Variants in PDHX observed in about 807,000 individuals in gnomAD.
PDHX encodes pyruvate dehydrogenase complex component X, also known as pyruvate dehydrogenase protein X component, mitochondrial.
Under a neutral mutation model 55.3 loss-of-function variants are expected in PDHX, and 33 were observed. The ratio of observed to expected loss-of-function variants is 0.60; its 90% confidence interval spans 0.45 to 0.80. The LOEUF (loss-of-function observed/expected upper bound fraction) is 0.80. Ranked by LOEUF, PDHX falls within the 30% of genes least tolerant of loss-of-function variation. The pLI is 0.00. For missense variants in PDHX, 622 were observed against 619.9 expected (o/e 1.00, Z -0.04); for synonymous variants, 226 against 219.4 (o/e 1.03, Z -0.27).
chr11:34,972,249 GCTTTCAGTTTA>G (rs1855272642), intron 7 of PDHX, among the ~76,000 whole-genome samples: 1 of 148,796 alleles, frequency 6.7e-6, no homozygotes, highest in Admixed American at 6.7e-5. Context: ...TTTTCTCTTT[GCTTTCAGTTTA>G]CTTTGCTCTT....
intron 5 of PDHX, among the ~76,000 whole-genome samples, chr11:34,963,719 C>G (rs2133978307): frequency 6.6e-6 from 1 of 152,260 alleles, no homozygotes; most frequent in South Asian, 2.1e-4. Flanking sequence ...ATCAGGGCTG[C>G]TATTTTAATT....
chr11:34,988,558 C>CAAAA (rs201687707), intron 9 of PDHX, among the ~76,000 whole-genome samples: 2 of 140,568 alleles, frequency 1.4e-5, no homozygotes, highest in Non-Finnish European at 1.5e-5. Flanking sequence ...TGTTTTCTGT[C>CAAAA]AAAAAAAAAA....
intron 8 of PDHX, among the ~76,000 whole-genome samples, chr11:34,983,721 G>A (rs1312258267): frequency 2.0e-5 from 3 of 152,036 alleles, no homozygotes; most frequent in Non-Finnish European, 4.4e-5. Flanking sequence ...TTACAAGGGA[G>A]GTGAAGGACT....
intron 2 of PDHX, among the ~76,000 whole-genome samples, chr11:34,934,429 G>A (rs774590512): frequency 1.2e-4 from 19 of 152,028 alleles, no homozygotes; most frequent in Non-Finnish European, 1.9e-4. Flanking sequence ...GGAAGAGCCC[G>A]GGGGAGGAAG....
intron 5 of PDHX, among the ~76,000 whole-genome samples, chr11:34,964,008 A>G (rs936130536): frequency 1.1e-4 from 16 of 152,180 alleles, no homozygotes; most frequent in African/African-American, 3.6e-4. Flanking sequence ...AAATGAATTC[A>G]TGTCACACCC....
intron 10 of PDHX, 125 bp from the exon 11 acceptor site, chr11:34,994,789 A>T: frequency 3.1e-6 from 3 of 956,716 alleles, no homozygotes; most frequent in Admixed American, 4.0e-5. Context: ...TCCTTTTTTC[A>T]TTACTCATAT....
chr11:34,971,442 T>C (rs2133985094), intron 7 of PDHX, among the ~76,000 whole-genome samples: 1 of 152,314 alleles, frequency 6.6e-6, no homozygotes, highest in South Asian at 2.1e-4. Flanking sequence ...TTTTGTAGAA[T>C]ATTATTTTCA....
At chr11:34,980,523 A>G (rs1401047534) in intron 8 of PDHX, among the ~76,000 whole-genome samples, 3 of 151,796 alleles carry the variant, frequency 2.0e-5, no homozygotes, top group Non-Finnish European at 4.4e-5. Flanking sequence ...TTTATTTGCC[A>G]TATATTCTTC....
intron 3 of PDHX, among the ~76,000 whole-genome samples, chr11:34,952,634 T>C (rs55736777): frequency 0.013 from 2,008 of 151,968 alleles, 40 homozygotes; most frequent in African/African-American, 0.047. Flanking sequence ...TTGACAAAAT[T>C]CAACAACCCT....
chr11:34,939,193 A>AT (rs1225575781), intron 2 of PDHX, among the ~76,000 whole-genome samples: 1 of 151,992 alleles, frequency 6.6e-6, no homozygotes, highest in Non-Finnish European at 1.5e-5. Context: ...CTTTTCATAT[A>AT]TTTTTTCTCT....
intron 4 of PDHX, among the ~76,000 whole-genome samples, chr11:34,959,277 C>T (rs1012957244): frequency 7.2e-5 from 11 of 151,940 alleles, no homozygotes; most frequent in African/African-American, 2.7e-4. Context: ...AGCATTTCTC[C>T]CAAGAAGATA....
upstream of PDHX, chr11:34,916,448 C>T (rs555380381): frequency 5.2e-5 from 77 of 1,468,536 alleles, 1 homozygote; most frequent in South Asian, 9.0e-4. Flanking sequence ...AAGGCCCCGC[C>T]GGCTGAGATA....
intron 1 of PDHX, among the ~76,000 whole-genome samples, chr11:34,921,812 C>T (rs931915228): frequency 3.3e-5 from 5 of 152,132 alleles, no homozygotes; most frequent in Non-Finnish European, 7.4e-5. Context: ...TATATGTTTA[C>T]CTTGTTTTAA....
intron 8 of PDHX, among the ~76,000 whole-genome samples, chr11:34,981,918 T>G (rs1855521720): frequency 6.6e-6 from 1 of 152,218 alleles, no homozygotes; most frequent in Admixed American, 6.5e-5. Flanking sequence ...GTCAGATGAG[T>G]AGATTGCAAA....
chr11:34,989,110 T>C (rs1855708729), intron 9 of PDHX, among the ~76,000 whole-genome samples: 1 of 152,214 alleles, frequency 6.6e-6, no homozygotes, highest in Non-Finnish European at 1.5e-5. Context: ...AGGCTTTGTA[T>C]GGTACAAACC....
chr11:34,949,812 T>A (rs928098057), intron 3 of PDHX, among the ~76,000 whole-genome samples: 1 of 152,212 alleles, frequency 6.6e-6, no homozygotes, highest in African/African-American at 2.4e-5. Flanking sequence ...ATTATTTACA[T>A]TTATGTAATG....
At chr11:34,930,020 AC>A (rs1470388839) in intron 1 of PDHX, among the ~76,000 whole-genome samples, 3 of 152,234 alleles carry the variant, frequency 2.0e-5, no homozygotes, top group African/African-American at 4.8e-5. Flanking sequence ...CTGTGTGTGT[AC>A]AAAGCAAACA....
upstream of PDHX, chr11:34,916,527 CGGG>C (rs1213280770): frequency 1.6e-6 from 2 of 1,231,734 alleles, no homozygotes; most frequent in East Asian, 3.0e-5. Flanking sequence ...GGTTGGGGGG[CGGG>C]GGTTCAAGTC....
chr11:34,972,484 G>C (rs1329036220), intron 7 of PDHX, among the ~76,000 whole-genome samples: 1 of 150,430 alleles, frequency 6.6e-6, no homozygotes, highest in Non-Finnish European at 1.5e-5. Flanking sequence ...TTCAACCACC[G>C]CCTCCTGGGT....
Sources: gnomAD v4.1 joint callset for allele counts (sites outside exome capture counted in the v4.1 genomes callset) on GRCh38, gnomAD v4.1.1 for gene constraint, MANE v1.5 for transcripts, NCBI Gene and HGNC (gene_info 2026-07-23, HGNC 2026-07-21) for gene names.